The following CREB3L2 variants were observed in gnomAD, a reference collection of about 807,000 sequenced individuals.
CREB3L2 encodes the protein cyclic AMP-responsive element-binding protein 3-like protein 2.
CREB3L2 carries 23 observed loss-of-function variants against 57.2 expected under a neutral mutation model. That is an observed-to-expected ratio of 0.40 (90% confidence interval 0.29 to 0.57). The LOEUF (loss-of-function observed/expected upper bound fraction) is 0.57. CREB3L2 is among the 20% of genes least tolerant of loss of function. The pLI is 0.42. For missense variants in CREB3L2, 628 were observed against 634.7 expected (o/e 0.99, Z 0.11); for synonymous variants, 268 against 265.1 (o/e 1.01, Z -0.11).
chr7:137,957,118 T>G (rs558560765), intron 1 of CREB3L2, among the ~76,000 whole-genome samples: 67 of 152,256 alleles, frequency 4.4e-4, no homozygotes, highest in African/African-American at 1.6e-3. Flanking sequence ...TGGAGTTCCC[T>G]GAACACAGCG....
intron 1 of CREB3L2, among the ~76,000 whole-genome samples, chr7:137,934,963 C>G (rs1800749787): frequency 6.6e-6 from 1 of 152,186 alleles, no homozygotes; most frequent in Admixed American, 6.5e-5. Flanking sequence ...AATTAAACAT[C>G]CTGCAACTAT....
chr7:137,996,318 G>A (rs1585684817), intron 1 of CREB3L2, among the ~76,000 whole-genome samples: 2 of 152,250 alleles, frequency 1.3e-5, no homozygotes, highest in Non-Finnish European at 2.9e-5. Flanking sequence ...GTGAACACTT[G>A]ATGTCTAAGA....
intron 1 of CREB3L2, among the ~76,000 whole-genome samples, chr7:137,954,593 G>A (rs993475750): frequency 7.2e-5 from 11 of 152,142 alleles, no homozygotes; most frequent in Non-Finnish European, 1.5e-4. Flanking sequence ...ACTACCCTAG[G>A]AGCACTCCTA....
chr7:137,928,575 C>G lies in CREB3L2; in HGVS notation c.103-209G>C, dbSNP rs190056603. The stretch of plus-strand genomic sequence containing the variant: ...ATTAATATATTACTTCTCCCTCCTC[C>G]GTGGGTTGGGCTGGGTGGGTGAGCT... On this transcript the variant is annotated intron_variant, in intron 1 of 11. Coordinates refer to ENST00000330387, the MANE Select transcript of CREB3L2 (RefSeq NM_194071.4). Among the ~76,000 whole-genome samples, 8 of 143,114 alleles carry G rather than the reference C, an allele frequency of 5.6e-5. No individual in the cohort carries two copies. In the East Asian group the frequency reaches 1.9e-3, roughly 35 times the overall value. The allele number at this position is 143,114 out of a possible 152,430, so 93.9% of individuals were successfully genotyped here.
In CREB3L2 at chr7:137,880,304, G is replaced by C; in HGVS notation, c.*172C>G. 1.6e-6 allele frequency: 1 copy of C among 629,480 alleles called. No homozygotes were observed. The highest frequency in any genetic ancestry group is 2.5e-5 in the Admixed American group (1 of 39,460). The allele number at this position is 629,480 out of a possible 1,614,324, so 39.0% of individuals were successfully genotyped here. A position where few individuals can be genotyped will look rare whatever the true frequency, so the allele number is the denominator to read the frequency against. The stretch of plus-strand genomic sequence containing the variant: ...GCACAGGAGGGGCATGGACCAGGGG[G>C]AGATGCTCTCTCACTGCAGGGAAGT... On this transcript the variant is annotated 3_prime_UTR_variant, in exon 12 of 12. Transcript: ENST00000330387. The surrounding 1 kb of genome is among the most constrained non-coding windows in gnomAD (Gnocchi z 4.0).
chr7:137,912,990 C>T lies in CREB3L2; in HGVS notation c.583+1G>A. On this transcript the variant is annotated splice_donor_variant, in intron 4 of 11. Coordinates refer to ENST00000330387, the MANE Select transcript of CREB3L2 (RefSeq NM_194071.4). LOFTEE classifies it high-confidence loss of function. ...AAGGGACACAGGGAGGGCAGACAGA[C>T]CTTCTTTAGGAGAGAAGTTTAGAAA... 6.2e-7 allele frequency: 1 copy of T among 1,613,736 alleles called. No homozygotes were observed. The highest frequency in any genetic ancestry group is 8.5e-7 in the Non-Finnish European group (1 of 1,179,698).
At chr7:137,927,082 C>G (rs1349534828) in intron 2 of CREB3L2, among the ~76,000 whole-genome samples, 2 of 151,862 alleles carry the variant, frequency 1.3e-5, no homozygotes, top group Admixed American at 1.3e-4. Flanking sequence ...ACATGAGAGC[C>G]CAGGAGGTCA....
intron 1 of CREB3L2, among the ~76,000 whole-genome samples, chr7:137,945,584 G>A (rs998475501): frequency 2.0e-5 from 3 of 152,156 alleles, no homozygotes; most frequent in Non-Finnish European, 2.9e-5. Flanking sequence ...TTTCTGCAGG[G>A]CAATAATACC....
intron 1 of CREB3L2, among the ~76,000 whole-genome samples, chr7:137,981,631 C>A (rs1305500761): frequency 6.6e-6 from 1 of 152,178 alleles, no homozygotes; most frequent in African/African-American, 2.4e-5. Context: ...GCCAGGCAGG[C>A]AGTGGTTTAG....
intron 1 of CREB3L2, among the ~76,000 whole-genome samples, chr7:137,936,264 G>A (rs1323168078): frequency 1.3e-5 from 2 of 152,190 alleles, no homozygotes; most frequent in African/African-American, 4.8e-5. Flanking sequence ...CTTGCAGAGC[G>A]TGTTCTAAAG....
At chr7:137,926,607 T>C (rs1481918948) in intron 2 of CREB3L2, among the ~76,000 whole-genome samples, 1 of 151,918 alleles carries the variant, frequency 6.6e-6, no homozygotes, top group East Asian at 1.9e-4. Context: ...AGGGACAGCA[T>C]TAGGACAAAT....
chr7:137,947,415 A>C (rs1712661554), intron 1 of CREB3L2, among the ~76,000 whole-genome samples: 1 of 152,156 alleles, frequency 6.6e-6, no homozygotes, highest in Non-Finnish European at 1.5e-5. Flanking sequence ...AGGAGGAAAA[A>C]TGAATCCTGA....
At chr7:137,972,573 T>C (rs1387808336) in intron 1 of CREB3L2, among the ~76,000 whole-genome samples, 1 of 144,484 alleles carries the variant, frequency 6.9e-6, no homozygotes, top group African/African-American at 2.6e-5. Flanking sequence ...GAAGCCAGGT[T>C]TGGTGGCTCA....
chr7:137,913,513 A>C (rs1363227198), intron 3 of CREB3L2, among the ~76,000 whole-genome samples: 2 of 151,612 alleles, frequency 1.3e-5, no homozygotes, highest in Admixed American at 6.6e-5. Context: ...TCTCAAAAAA[A>C]AAAAAAAAGA....
intron 1 of CREB3L2, among the ~76,000 whole-genome samples, chr7:137,975,836 A>G (rs1391445214): frequency 6.6e-6 from 1 of 152,252 alleles, no homozygotes; most frequent in Non-Finnish European, 1.5e-5. Context: ...GTTTTAAACT[A>G]TATTCATTCT....
intron 1 of CREB3L2, among the ~76,000 whole-genome samples, chr7:137,946,280 G>C (rs1381450334): frequency 6.6e-6 from 1 of 152,128 alleles, no homozygotes; most frequent in African/African-American, 2.4e-5. Context: ...TCTCAATTCA[G>C]TTGACTCTGA....
intron 1 of CREB3L2, among the ~76,000 whole-genome samples, chr7:137,999,379 T>C (rs199733451): frequency 1.1e-4 from 16 of 142,316 alleles, no homozygotes; most frequent in South Asian, 4.7e-4. Context: ...TATGTTCCCC[T>C]ACACACACAC....
At chr7:137,915,554 C>A (rs937697739) in intron 3 of CREB3L2, among the ~76,000 whole-genome samples, 3 of 151,928 alleles carry the variant, frequency 2.0e-5, no homozygotes, top group Non-Finnish European at 4.4e-5. Context: ...ATTTTTTTTA[C>A]CATAGATATT....
intron 1 of CREB3L2, among the ~76,000 whole-genome samples, chr7:137,940,389 C>T (rs757317813): frequency 2.0e-5 from 3 of 152,166 alleles, no homozygotes; most frequent in Non-Finnish European, 4.4e-5. Context: ...GCCATTCATT[C>T]CAGAAAAATT....
Sources: allele counts gnomAD v4.1 joint callset (sites outside exome capture counted in the v4.1 genomes callset), GRCh38; gene constraint gnomAD v4.1.1; non-coding constraint Gnocchi (gnomAD v3.1); transcripts MANE v1.5; gene names NCBI Gene and HGNC (gene_info 2026-07-23, HGNC 2026-07-21).